The following GAREM2 variants were observed in gnomAD, a reference collection of about 807,000 sequenced individuals.
GAREM2 encodes GRB2-associated and regulator of MAPK protein 2.
In GAREM2, 30 loss-of-function variants were observed where a neutral mutation model predicts 55.6. The ratio of observed to expected loss-of-function variants is 0.54; its 90% CI spans 0.40 to 0.73. The LOEUF (loss-of-function observed/expected upper bound fraction) is 0.73, where lower values mean the gene tolerates loss of function less well. Ranked by LOEUF, GAREM2 falls within the 30% of genes least tolerant of loss-of-function variation. The pLI is 0.00. For missense variants in GAREM2, 1,075 were observed against 1,257.7 expected (o/e 0.85, Z 2.20); for synonymous variants, 550 against 569.1 (o/e 0.97, Z 0.48).
chr2:26,187,266 C>T lies in GAREM2; in HGVS notation c.1634C>T (p.Pro545Leu), dbSNP rs369234791. 5.4e-5 allele frequency: 79 copies of T among 1,456,866 alleles called. No individual in the cohort carries two copies. Among genetic ancestry groups the T allele is most frequent in the East Asian group, 1.5e-4 (6 of 39,732 alleles). 90.2% of individuals were successfully genotyped at this position (1,456,866 alleles called of 1,614,324 possible). A position where few individuals can be genotyped will look rare whatever the true frequency, so the allele number is the denominator to read the frequency against. ...GSRSGSGSPS[P>L]DTYSLYCYPC... ...CGCAGTGGCAGTGGCTCCCCATCGC[C>T]GGACACCTACTCCCTCTATTGCTAC... is the stretch of plus-strand genomic sequence containing the variant. Residue 545 changes from proline to leucine, a missense_variant, in exon 6 of 6, where the codon CCG (proline) becomes CTG (leucine). Coordinates refer to ENST00000401533, the MANE Select transcript of GAREM2 (RefSeq NM_001168241.2).
chr2:26,193,550 T>C (rs145512126), downstream of GAREM2: 104 of 1,557,414 alleles, frequency 6.7e-5, no homozygotes, highest in African/African-American at 1.3e-3. Flanking sequence ...CTAATGGTGC[T>C]AGTTATGTTT....
chr2:26,177,277 G>A (rs1159595628), intron 2 of GAREM2, among the ~76,000 whole-genome samples: 2 of 152,194 alleles, frequency 1.3e-5, no homozygotes, highest in African/African-American at 4.8e-5. Context: ...GCTGTCCCCT[G>A]TGTGGGAGGG....
intron 1 of GAREM2, among the ~76,000 whole-genome samples, chr2:26,175,109 A>G (rs909954517): frequency 1.3e-5 from 2 of 151,856 alleles, no homozygotes; most frequent in African/African-American, 2.4e-5. Context: ...ACACACGCCT[A>G]CCCCACATGT....
At chr2:26,175,246 G>A (rs1049407748) in intron 1 of GAREM2, among the ~76,000 whole-genome samples, 1 of 152,072 alleles carries the variant, frequency 6.6e-6, no homozygotes, top group Non-Finnish European at 1.5e-5. Flanking sequence ...CCCACCAGCT[G>A]CAGCCCGGAC....
the GAREM2 span, among the ~76,000 whole-genome samples, chr2:26,201,991 G>T: frequency 6.6e-6 from 1 of 150,918 alleles, no homozygotes; most frequent in Non-Finnish European, 1.5e-5. Context: ...AGTAGAGATG[G>T]GGTTTCACCA....
chr2:26,182,426 C>G, intron 2 of GAREM2: 1 of 1,550,246 alleles, frequency 6.5e-7, no homozygotes, highest in Non-Finnish European at 8.7e-7. Context: ...GGGCCAGGCC[C>G]TGGTTGGCCC....
chr2:26,193,791 A>G (rs979861852), downstream of GAREM2: 3 of 1,603,206 alleles, frequency 1.9e-6, no homozygotes, highest in African/African-American at 2.7e-5. Context: ...GAAGCGATGC[A>G]GGGACCTCAG....
chr2:26,195,985 T>C, the GAREM2 span, among the ~76,000 whole-genome samples: 1 of 152,226 alleles, frequency 6.6e-6, no homozygotes, highest in Admixed American at 6.5e-5. Flanking sequence ...GTCTAATTCA[T>C]TAATTTATAG....
chr2:26,187,198 G>A, intron 5 of GAREM2, 33 bp from the exon 6 acceptor site: 1 of 1,434,182 alleles, frequency 7.0e-7, no homozygotes, highest in South Asian at 1.5e-5. Context: ...AGCCTCACCT[G>A]TCCTATGTGT....
At chr2:26,186,942 T>C (rs1669279456) in intron 5 of GAREM2, among the ~76,000 whole-genome samples, 3 of 152,266 alleles carry the variant, frequency 2.0e-5, no homozygotes, top group African/African-American at 7.2e-5. Flanking sequence ...ACCACTGCAC[T>C]CCAGCCTGGG....
chr2:26,186,300 C>T lies in GAREM2; in HGVS notation c.1540C>T (p.Gln514Ter). The T allele has an allele frequency of 1.3e-6, 2 of 1,551,580 alleles. No individual in the cohort carries two copies. The highest frequency in any genetic ancestry group is 1.7e-6 in the Non-Finnish European group (2 of 1,146,946). The change falls in exon 5 of 6, where the codon CAG becomes TAG. Residue 514 changes from glutamine (Q) to a stop codon, truncating the protein, a stop_gained. Coordinates refer to ENST00000401533, the MANE Select transcript of GAREM2 (RefSeq NM_001168241.2). LOFTEE classifies it high-confidence loss of function. The part of the protein sequence containing the change: ...PPVPPRFPKL[Q>*]PVHSPSSSLS... ...GGTTCCCCCTCGCTTCCCCAAGCTG[C>T]AGCCGGTACATTCCCCCAGCTCCAG...
At position 26,182,971 on chromosome 2, in the gene GAREM2, G is replaced by A. The variant is rs1193870037; in HGVS notation, c.258G>A (p.Lys86=). The change falls in exon 3 of 6, where the codon AAG becomes AAA. Residue 86 remains lysine (K), a synonymous_variant. Coordinates refer to ENST00000401533, the MANE Select transcript of GAREM2 (RefSeq NM_001168241.2). ...KIDIPLQYPG[K]FKLLEQARDV... is the part of the protein sequence containing the mutation. ...CTTTTGTCACCCACTATGCAGGGAAGTTCAAGCTCCTGGAACAGGCCCGGG... is the reference window on the plus strand; with the variant it reads ...CTTTTGTCACCCACTATGCAGGGAAATTCAAGCTCCTGGAACAGGCCCGGG... 3 of 1,551,568 alleles carry A rather than the reference G, an allele frequency of 1.9e-6. No homozygotes were observed. In the African/African-American group the frequency reaches 4.1e-5, roughly 21 times the overall value.
chr2:26,195,358 G>T, the GAREM2 span: 1 of 859,492 alleles, frequency 1.2e-6, no homozygotes, highest in Non-Finnish European at 2.0e-6. Flanking sequence ...GCTTGACATA[G>T]CTGAGTGGTT....
At chr2:26,193,676 C>T (rs1363686444), downstream of GAREM2, 1 of 1,613,950 alleles carries the variant, frequency 6.2e-7, no homozygotes, top group Non-Finnish European at 8.5e-7. Flanking sequence ...ACATGTTTCG[C>T]TACATCCACA....
chr2:26,185,873 C>T (rs1284856668), intron 4 of GAREM2, among the ~76,000 whole-genome samples: 1 of 152,174 alleles, frequency 6.6e-6, no homozygotes, highest in Non-Finnish European at 1.5e-5. Context: ...CTCTCCTTTT[C>T]CTTGAGGAGG....
chr2:26,182,077 GC>G, intron 2 of GAREM2: 1 of 1,054,356 alleles, frequency 9.5e-7, no homozygotes, highest in Non-Finnish European at 1.1e-6. Flanking sequence ...TTGAGAAGAG[GC>G]CATCCATCAG....
intron 2 of GAREM2, chr2:26,182,435 C>G: frequency 6.5e-7 from 1 of 1,550,374 alleles, no homozygotes; most frequent in Middle Eastern, 1.7e-4. Context: ...CCTGGTTGGC[C>G]CAGTGCCACC....
At position 26,185,107 on chromosome 2, in the gene GAREM2, CCGCCG is replaced by C; in HGVS notation, c.1266_1270del (p.Pro423ArgfsTer143). ...CCCGACTGGGCAGCCGCGCCCGAGCCCGCCGCGCCGCCCGCCGAGATCCCCTACGA... is the reference window on the plus strand; with the variant it reads ...CCCGACTGGGCAGCCGCGCCCGAGCCCGCCGCCCGCCGAGATCCCCTACGA... On this transcript the variant is annotated frameshift_variant, in exon 4 of 6. Transcript: ENST00000401533. LOFTEE classifies it high-confidence loss of function. 6.9e-7 allele frequency: 1 copy of C among 1,443,164 alleles called. No individual in the cohort carries two copies. Among genetic ancestry groups the C allele is most frequent in the Non-Finnish European group, 9.0e-7 (1 of 1,106,168 alleles). 89.4% of individuals were successfully genotyped at this position (1,443,164 alleles called of 1,614,324 possible).
intron 1 of GAREM2, among the ~76,000 whole-genome samples, chr2:26,175,739 C>T (rs1668844673): frequency 6.6e-6 from 1 of 152,188 alleles, no homozygotes; most frequent in Non-Finnish European, 1.5e-5. Context: ...CCTGAGCGAC[C>T]CGTGGCTCTG....
Sources: gnomAD v4.1 joint callset for allele counts (sites outside exome capture counted in the v4.1 genomes callset) on GRCh38, gnomAD v4.1.1 for gene constraint, MANE v1.5 for transcripts, NCBI Gene and HGNC (gene_info 2026-07-23, HGNC 2026-07-21) for gene names.